The following SCAPER variants were observed in gnomAD, a reference collection of about 807,000 sequenced individuals.
SCAPER encodes S phase cyclin A-associated protein in the endoplasmic reticulum.
In SCAPER, 98 loss-of-function variants were observed where a neutral mutation model predicts 182.2. The ratio of observed to expected loss-of-function variants is 0.54; its 90% CI spans 0.46 to 0.64. The LOEUF is 0.64. Among genes scored for constraint, SCAPER ranks in the 30% least tolerant of loss-of-function variants. The pLI is 0.00. For synonymous variants in SCAPER, 605 were observed against 564.6 expected, an observed-to-expected ratio of 1.07 and a Z score of -1.01; for missense variants, 1,432 against 1,690.0, an observed-to-expected ratio of 0.85 and a Z score of 2.68.
In SCAPER at chr15:76,735,380, A is replaced by C. The variant is rs115440747; in HGVS notation, c.1867-1996T>G. ...AGAGTGAGACCCTGTCTCATTTAAA[A>C]GAACAGCAACAATTTGGAAGAAAAT... On this transcript the variant is annotated intron_variant, in intron 15 of 31. Coordinates refer to ENST00000563290, the MANE Select transcript of SCAPER (RefSeq NM_020843.4). 5.0e-3 allele frequency among the ~76,000 whole-genome samples: 761 copies of C among 152,148 alleles called. 6 individuals carry two copies. Among genetic ancestry groups the C allele is most frequent in the African/African-American group, 0.017 (724 of 41,496 alleles).
chr15:76,501,906 C>T (rs890761094), intron 24 of SCAPER, among the ~76,000 whole-genome samples: 4 of 152,224 alleles, frequency 2.6e-5, no homozygotes, highest in Admixed American at 6.5e-5. Context: ...TGACTCATGT[C>T]CACCAGTATG....
chr15:76,493,906 A>G (rs1319549541), intron 24 of SCAPER, among the ~76,000 whole-genome samples: 3 of 152,204 alleles, frequency 2.0e-5, no homozygotes, highest in Non-Finnish European at 4.4e-5. Context: ...ATCAATCACT[A>G]TTGCTAATTA....
rs146759256 is a variant in SCAPER, at chr15:76,458,343, G to A, written c.3078+12869C>T. On this transcript the variant is annotated intron_variant, in intron 25 of 31. Transcript: ENST00000563290. ...ATGTAGAGAGAGAAAATCATATATA[G>A]AGAGAGAATATTTTGAAAGTGTATA... is the stretch of plus-strand genomic sequence containing the variant. Among the ~76,000 whole-genome samples, 13 of 151,796 alleles carry A rather than the reference G, an allele frequency of 8.6e-5. No individual in the cohort carries two copies. In the East Asian group the frequency reaches 2.5e-3, roughly 29 times the overall value.
chr15:76,821,914 T>A (rs1362078614), intron 5 of SCAPER, among the ~76,000 whole-genome samples: 1 of 152,022 alleles, frequency 6.6e-6, no homozygotes, highest in African/African-American at 2.4e-5. Context: ...AGAGGTTACA[T>A]ACTGTATGAT....
At position 76,883,868 on chromosome 15, in the gene SCAPER, G is replaced by A. The variant is rs2073708127; in HGVS notation, c.-51C>T. 2.2e-6 allele frequency: 3 copies of A among 1,352,654 alleles called. No homozygotes were observed. The highest frequency in any genetic ancestry group is 3.0e-6 in the Non-Finnish European group (3 of 984,072). 83.8% of individuals were successfully genotyped at this position (1,352,654 alleles called of 1,614,324 possible). A position where few individuals can be genotyped will look rare whatever the true frequency, so the allele number is the denominator to read the frequency against. On this transcript the variant is annotated 5_prime_UTR_variant, in exon 2 of 32. Coordinates refer to ENST00000563290, the MANE Select transcript of SCAPER (RefSeq NM_020843.4). ...ATCATTTATCACATAAACCCATGGA[G>A]TATGACTCCTACAATAAAAAATATA...
In SCAPER at chr15:76,655,939, AAAAC is replaced by A. The variant is rs201939805; in HGVS notation, c.2645+9710_2645+9713del. Among the ~76,000 whole-genome samples the A allele has an allele frequency of 1.1e-4, 17 of 152,194 alleles. No homozygotes were observed. In the East Asian group the frequency reaches 2.7e-3, roughly 24 times the overall value. ...ATAGAAAAGATTATCATGGCCCACA[AAAAC>A]AAACAAACAAAGACACTTAAGTATG... On this transcript the variant is annotated intron_variant, in intron 21 of 31. Transcript: ENST00000563290.
chr15:76,771,391 T>G (rs2063463828), intron 10 of SCAPER, among the ~76,000 whole-genome samples: 1 of 152,056 alleles, frequency 6.6e-6, no homozygotes, highest in Non-Finnish European at 1.5e-5. Flanking sequence ...TAAAACTAAG[T>G]CTAGCAGACA....
intron 15 of SCAPER, among the ~76,000 whole-genome samples, chr15:76,738,668 G>T (rs1331382651): frequency 1.3e-5 from 2 of 152,112 alleles, no homozygotes; most frequent in African/African-American, 4.8e-5. Context: ...GAATGGCCAG[G>T]TCAGTGGAGC....
chr15:76,395,944 C>T (rs1472819832), intron 27 of SCAPER, among the ~76,000 whole-genome samples: 3 of 152,054 alleles, frequency 2.0e-5, no homozygotes, highest in African/African-American at 7.2e-5. Context: ...AAGAGTTTCC[C>T]CAATGTTTTC....
intron 17 of SCAPER, among the ~76,000 whole-genome samples, chr15:76,707,322 A>G (rs1467714186): frequency 6.6e-6 from 1 of 152,130 alleles, no homozygotes; most frequent in African/African-American, 2.4e-5. Flanking sequence ...AAACATTCCA[A>G]TCAAAAGGCA....
chr15:76,620,613 C>T (rs552078914), intron 22 of SCAPER, among the ~76,000 whole-genome samples: 2 of 152,258 alleles, frequency 1.3e-5, no homozygotes, highest in South Asian at 4.1e-4. Context: ...CAAATAATGG[C>T]TACATTAACA....
At chr15:76,681,277 T>C (rs1231943780) in intron 20 of SCAPER, among the ~76,000 whole-genome samples, 1 of 152,202 alleles carries the variant, frequency 6.6e-6, no homozygotes, top group Non-Finnish European at 1.5e-5. Context: ...GTAAGAAACA[T>C]TGTAAAATAA....
intron 1 of SCAPER, among the ~76,000 whole-genome samples, chr15:76,884,740 C>T (rs1202426039): frequency 6.6e-6 from 1 of 151,968 alleles, no homozygotes; most frequent in African/African-American, 2.4e-5. Context: ...TTCATAACAG[C>T]TAAAAAGTAG....
chr15:76,747,659 CA>C (rs1473852080), intron 15 of SCAPER, among the ~76,000 whole-genome samples: 1 of 152,032 alleles, frequency 6.6e-6, no homozygotes, highest in Non-Finnish European at 1.5e-5. Context: ...TTAGTTCCTG[CA>C]AAAGTTCCCT....
intron 8 of SCAPER, among the ~76,000 whole-genome samples, chr15:76,777,104 C>T (rs2063787634): frequency 6.6e-6 from 1 of 151,916 alleles, no homozygotes; most frequent in Admixed American, 6.6e-5. Flanking sequence ...ACTAAATACA[C>T]ACAAAAAAAT....
chr15:76,869,851 T>A (rs543698282), intron 2 of SCAPER, among the ~76,000 whole-genome samples: 1 of 152,238 alleles, frequency 6.6e-6, no homozygotes, highest in Admixed American at 6.5e-5. Context: ...TCAACCTAAG[T>A]GCCATCAACA....
intron 23 of SCAPER, among the ~76,000 whole-genome samples, chr15:76,538,330 T>C (rs1300740951): frequency 2.7e-5 from 4 of 148,848 alleles, no homozygotes; most frequent in African/African-American, 5.0e-5. Flanking sequence ...TGTCCAACAA[T>C]GATAGACTGG....
chr15:76,581,658 C>T (rs928426728), intron 22 of SCAPER, among the ~76,000 whole-genome samples: 1 of 152,172 alleles, frequency 6.6e-6, no homozygotes, highest in Non-Finnish European at 1.5e-5. Flanking sequence ...GTGATCTCAG[C>T]TCACTGCAAC....
At chr15:76,513,631 C>A (rs1291036741) in intron 23 of SCAPER, among the ~76,000 whole-genome samples, 1 of 152,152 alleles carries the variant, frequency 6.6e-6, no homozygotes, top group Non-Finnish European at 1.5e-5. Context: ...CTTCCTGTGC[C>A]AATCACTTGG....
Sources: gnomAD v4.1 joint callset for allele counts (sites outside exome capture counted in the v4.1 genomes callset) on GRCh38, gnomAD v4.1.1 for gene constraint, MANE v1.5 for transcripts, NCBI Gene and HGNC (gene_info 2026-07-23, HGNC 2026-07-21) for gene names.